Variants in MSRA observed in about 807,000 individuals in gnomAD.
MSRA encodes the protein mitochondrial peptide methionine sulfoxide reductase.
In MSRA, 54 loss-of-function variants were observed where a neutral mutation model predicts 31.3. The observed-to-expected ratio is 1.73, with a 90% confidence interval of 1.39 to 2.17. The LOEUF (loss-of-function observed/expected upper bound fraction) is 2.17, where lower values mean the gene tolerates loss of function less well. MSRA is among the 30% of genes most tolerant of loss of function. The pLI, the probability that MSRA is intolerant of heterozygous loss-of-function variation, is 0.00. For synonymous variants in MSRA, 169 were observed against 116.5 expected (o/e 1.45, Z -2.90); for missense variants, 507 against 300.9 (o/e 1.69, Z -5.07).
chr8:10,174,086 G>A (rs1054600043), intron 1 of MSRA, among the ~76,000 whole-genome samples: 1 of 152,208 alleles, frequency 6.6e-6, no homozygotes, highest in Non-Finnish European at 1.5e-5. Flanking sequence ...GCAGAGGTTA[G>A]GGAATGTGCC....
At chr8:10,068,084 G>A (rs886514332) in intron 1 of MSRA, among the ~76,000 whole-genome samples, 1 of 151,914 alleles carries the variant, frequency 6.6e-6, no homozygotes, top group Admixed American at 6.6e-5. Context: ...GGGTTTCGCT[G>A]TGTTTGCCAG....
intron 5 of MSRA, among the ~76,000 whole-genome samples, chr8:10,324,682 C>G (rs184594406): frequency 1.2e-3 from 187 of 152,252 alleles, no homozygotes; most frequent in African/African-American, 4.2e-3. Flanking sequence ...GAGCCCAAGC[C>G]AGAGGCTTGT....
intron 5 of MSRA, among the ~76,000 whole-genome samples, chr8:10,412,027 T>G (rs1185475773): frequency 6.6e-6 from 1 of 152,274 alleles, no homozygotes; most frequent in Non-Finnish European, 1.5e-5. Context: ...AGTACTCATT[T>G]AAAATTACAG....
At chr8:10,311,963 G>A (rs1801457144) in intron 4 of MSRA, among the ~76,000 whole-genome samples, 1 of 152,128 alleles carries the variant, frequency 6.6e-6, no homozygotes, top group Admixed American at 6.5e-5. Flanking sequence ...AAATCATGAT[G>A]GAAATTGTAA....
At chr8:10,417,447 T>TA (rs1385242234) in intron 5 of MSRA, among the ~76,000 whole-genome samples, 3 of 24,112 alleles carry the variant, frequency 1.2e-4, no homozygotes, top group Non-Finnish European at 2.3e-4. Context: ...CACACACACA[T>TA]ACGCACACTC....
intron 3 of MSRA, among the ~76,000 whole-genome samples, chr8:10,252,233 T>C (rs1797954628): frequency 6.6e-6 from 1 of 152,210 alleles, no homozygotes; most frequent in Non-Finnish European, 1.5e-5. Context: ...GCTTGTCTTC[T>C]CAGATCACAG....
chr8:10,286,142 C>T (rs10086995), intron 3 of MSRA, among the ~76,000 whole-genome samples: 6,633 of 152,170 alleles, frequency 0.044, 470 homozygotes, highest in African/African-American at 0.15. Flanking sequence ...GGATCTTCTT[C>T]CTGTGTTATG....
At chr8:10,072,068 A>G (rs1355016116) in intron 1 of MSRA, among the ~76,000 whole-genome samples, 1 of 35,836 alleles carries the variant, frequency 2.8e-5, no homozygotes, top group Non-Finnish European at 7.2e-5. Flanking sequence ...GGGAACAGAT[A>G]GAGCAATGAG....
chr8:10,197,949 A>G (rs1808139867), intron 1 of MSRA, among the ~76,000 whole-genome samples: 1 of 152,200 alleles, frequency 6.6e-6, no homozygotes, highest in African/African-American at 2.4e-5. Flanking sequence ...TGGAGCAGGC[A>G]AGCAGCCGGT....
At chr8:10,081,437 C>T (rs775570489) in intron 1 of MSRA, among the ~76,000 whole-genome samples, 4 of 152,106 alleles carry the variant, frequency 2.6e-5, no homozygotes, top group Non-Finnish European at 5.9e-5. Flanking sequence ...ATTACTTCCG[C>T]CTCAAGGTTC....
intron 1 of MSRA, among the ~76,000 whole-genome samples, chr8:10,170,050 T>C (rs906970935): frequency 6.8e-6 from 1 of 147,466 alleles, no homozygotes; most frequent in Admixed American, 6.7e-5. Context: ...ATATTTTTTT[T>C]TTTTTTTTTT....
At chr8:10,427,457 T>C (rs1809249561) in intron 5 of MSRA, among the ~76,000 whole-genome samples, 2 of 152,168 alleles carry the variant, frequency 1.3e-5, no homozygotes, top group African/African-American at 2.4e-5. Flanking sequence ...AGGGTGGTGA[T>C]GAGCCACAGG....
chr8:10,194,667 T>G (rs758922955), intron 1 of MSRA, among the ~76,000 whole-genome samples: 3 of 152,206 alleles, frequency 2.0e-5, no homozygotes, highest in Non-Finnish European at 4.4e-5. Context: ...GGTACTTACT[T>G]GGAATTTTAA....
chr8:10,334,566 G>A (rs1456259026), intron 5 of MSRA, among the ~76,000 whole-genome samples: 4 of 152,206 alleles, frequency 2.6e-5, no homozygotes, highest in Admixed American at 6.5e-5. Context: ...GCGTGGTCCC[G>A]AGCTCCCCGG....
intron 1 of MSRA, among the ~76,000 whole-genome samples, chr8:10,123,825 C>T (rs1358308859): frequency 1.3e-5 from 2 of 151,700 alleles, no homozygotes; most frequent in African/African-American, 4.8e-5. Flanking sequence ...AACCTTATTT[C>T]TGGGCTCTCT....
At chr8:10,319,806 C>G (rs1801937809) in intron 4 of MSRA, 77 bp from the exon 5 acceptor site, 5 of 774,738 alleles carry the variant, frequency 6.5e-6, no homozygotes, top group South Asian at 7.1e-5. Context: ...GTCAAAATGT[C>G]TCAGCATTGT....
At position 10,364,953 on chromosome 8, in the gene MSRA, C is replaced by T. The variant is rs566644433; in HGVS notation, c.543+44964C>T. ...TTAAAAATCAGCTGGGAGTTAGGCT[C>T]CTTATTTAACACTGCCATTTGCACC... On this transcript the variant is annotated intron_variant, in intron 5 of 5. Transcript: ENST00000317173. Among the ~76,000 whole-genome samples the T allele has an allele frequency of 3.3e-5, 5 of 152,218 alleles. No homozygotes were observed. The South Asian group carries it at 8.3e-4, about 25-fold the overall frequency.
chr8:10,087,505 C>T (rs185887700), intron 1 of MSRA, among the ~76,000 whole-genome samples: 1 of 152,306 alleles, frequency 6.6e-6, no homozygotes, highest in African/African-American at 2.4e-5. Context: ...GAAAGGAGAC[C>T]AGATCTGTGC....
intron 1 of MSRA, among the ~76,000 whole-genome samples, chr8:10,175,031 C>T (rs2129047853): frequency 6.6e-6 from 1 of 152,284 alleles, no homozygotes; most frequent in East Asian, 1.9e-4. Flanking sequence ...CTCATCCGTC[C>T]CTTGTGATCT....
Sources: gnomAD v4.1 joint callset for allele counts (sites outside exome capture counted in the v4.1 genomes callset) on GRCh38, gnomAD v4.1.1 for gene constraint, MANE v1.5 for transcripts, NCBI Gene and HGNC (gene_info 2026-07-23, HGNC 2026-07-21) for gene names.